Variants in INPP4B observed in about 807,000 individuals in gnomAD.
INPP4B encodes the protein inositol polyphosphate 4-phosphatase type II.
A neutral mutation model predicts 122.5 loss-of-function variants in INPP4B; 55 were observed. The observed-to-expected ratio is 0.45, with a 90% CI of 0.36 to 0.56. INPP4B has a LOEUF of 0.56. INPP4B is among the 20% of genes least tolerant of loss of function. INPP4B has a pLI of 0.00. For synonymous variants in INPP4B, 403 were observed against 388.7 expected, an observed-to-expected ratio of 1.04 and a Z score of -0.43; for missense variants, 1,000 against 1,097.7, an observed-to-expected ratio of 0.91 and a Z score of 1.26.
chr4:142,168,764 G>A (rs538176837), intron 16 of INPP4B, among the ~76,000 whole-genome samples: 5 of 151,502 alleles, frequency 3.3e-5, no homozygotes, highest in African/African-American at 1.2e-4. Flanking sequence ...AGAGTTAAAG[G>A]CACTCATTTA....
intron 25 of INPP4B, among the ~76,000 whole-genome samples, chr4:142,054,721 A>G (rs1269902328): frequency 6.6e-6 from 1 of 152,094 alleles, no homozygotes; most frequent in Non-Finnish European, 1.5e-5. Flanking sequence ...GGATAGTCAC[A>G]AAAGATTCCT....
intron 22 of INPP4B, among the ~76,000 whole-genome samples, chr4:142,108,782 A>C (rs757661116): frequency 1.3e-5 from 2 of 152,168 alleles, no homozygotes; most frequent in African/African-American, 4.8e-5. Context: ...TGTCAAGACA[A>C]ACCTGTCTAC....
At chr4:142,827,981 C>T (rs1168083400) in intron 1 of INPP4B, among the ~76,000 whole-genome samples, 1 of 151,708 alleles carries the variant, frequency 6.6e-6, no homozygotes, top group Non-Finnish European at 1.5e-5. Flanking sequence ...TCTGAGGTAC[C>T]CAAAACTTAA....
chr4:142,299,911 T>C (rs1224291062), intron 9 of INPP4B, among the ~76,000 whole-genome samples: 2 of 152,104 alleles, frequency 1.3e-5, no homozygotes, highest in Admixed American at 1.3e-4. Context: ...CTCTGAAGTT[T>C]AAGTAGATAT....
intron 7 of INPP4B, among the ~76,000 whole-genome samples, chr4:142,359,492 T>C (rs1245897309): frequency 6.6e-6 from 1 of 151,964 alleles, no homozygotes; most frequent in African/African-American, 2.4e-5. Context: ...CTCGTTCAAG[T>C]ATTCTTACAT....
chr4:142,289,337 GATA>G (rs569305043), intron 9 of INPP4B, among the ~76,000 whole-genome samples: 9 of 152,124 alleles, frequency 5.9e-5, no homozygotes, highest in African/African-American at 2.2e-4. Context: ...ATCTAAACTC[GATA>G]ATGTTTAAAA....
intron 7 of INPP4B, among the ~76,000 whole-genome samples, chr4:142,397,015 A>C (rs948645481): frequency 6.6e-6 from 1 of 152,232 alleles, no homozygotes; most frequent in Admixed American, 6.5e-5. Flanking sequence ...TGACATGGGC[A>C]TACGCAATTG....
chr4:142,152,205 G>A lies in INPP4B; in HGVS notation c.1564-6209C>T, dbSNP rs371934517. Among the ~76,000 whole-genome samples the A allele has an allele frequency of 5.1e-4, 77 of 150,624 alleles. 2 individuals carry two copies. The East Asian group carries it at 0.015, about 30-fold the overall frequency. The stretch of plus-strand genomic sequence containing the variant: ...TCTCCTGCCTCAGCCTCCCGGAGTA[G>A]CTGGGACTACAGGCGCCCACCACCA... On this transcript the variant is annotated intron_variant, in intron 17 of 25. Coordinates refer to ENST00000262992, the MANE Select transcript of INPP4B (RefSeq NM_001101669.3).
intron 7 of INPP4B, among the ~76,000 whole-genome samples, chr4:142,385,847 T>C (rs1475033614): frequency 2.0e-5 from 3 of 152,202 alleles, no homozygotes; most frequent in African/African-American, 7.2e-5. Flanking sequence ...TATGTTCACA[T>C]TGTGGAATAA....
intron 11 of INPP4B, among the ~76,000 whole-genome samples, chr4:142,242,371 G>GA (rs1471052553): frequency 1.3e-5 from 2 of 152,112 alleles, no homozygotes; most frequent in Non-Finnish European, 2.9e-5. Flanking sequence ...CCAAAAATAA[G>GA]AAAAACTATT....
At chr4:142,260,174 C>A (rs1457291130) in intron 11 of INPP4B, among the ~76,000 whole-genome samples, 1 of 151,980 alleles carries the variant, frequency 6.6e-6, no homozygotes, top group South Asian at 2.1e-4. Flanking sequence ...TTAGTAGAGA[C>A]GGGGTTTCAC....
At chr4:142,334,311 T>C (rs1346063115) in intron 7 of INPP4B, among the ~76,000 whole-genome samples, 1 of 152,214 alleles carries the variant, frequency 6.6e-6, no homozygotes, top group African/African-American at 2.4e-5. Flanking sequence ...CATATGTGTA[T>C]ATAGCTCTCT....
intron 1 of INPP4B, among the ~76,000 whole-genome samples, chr4:142,731,264 T>C (rs1375797383): frequency 1.3e-5 from 2 of 152,118 alleles, no homozygotes; most frequent in African/African-American, 4.8e-5. Flanking sequence ...AGAAATATGA[T>C]ATGACATTAT....
At chr4:142,699,364 T>C (rs1226909856) in intron 2 of INPP4B, among the ~76,000 whole-genome samples, 1 of 152,190 alleles carries the variant, frequency 6.6e-6, no homozygotes, top group Admixed American at 6.5e-5. Flanking sequence ...TGGTTGTTTA[T>C]TGCATTCAGC....
intron 2 of INPP4B, among the ~76,000 whole-genome samples, chr4:142,606,237 A>G (rs1357631403): frequency 6.6e-6 from 1 of 151,888 alleles, no homozygotes. Context: ...AATGATAGAT[A>G]TCAGAGACTG....
At chr4:142,628,587 T>G (rs1580550520) in intron 2 of INPP4B, among the ~76,000 whole-genome samples, 2 of 150,688 alleles carry the variant, frequency 1.3e-5, no homozygotes, top group South Asian at 4.2e-4. Context: ...AAAAGAATTG[T>G]TCTTTGATTG....
intron 9 of INPP4B, chr4:142,287,612 A>T (rs1754382913): frequency 6.6e-6 from 1 of 152,146 alleles, no homozygotes; most frequent in Non-Finnish European, 1.5e-5. Flanking sequence ...CTTGACAACC[A>T]TTAAAAACCC....
At chr4:142,677,415 T>G (rs1010815952) in intron 2 of INPP4B, among the ~76,000 whole-genome samples, 1 of 151,902 alleles carries the variant, frequency 6.6e-6, no homozygotes, top group Non-Finnish European at 1.5e-5. Context: ...TTAGTTCAAC[T>G]ATTGTGGAAG....
At chr4:142,564,652 T>C (rs1437719029) in intron 2 of INPP4B, among the ~76,000 whole-genome samples, 1 of 152,070 alleles carries the variant, frequency 6.6e-6, no homozygotes, top group African/African-American at 2.4e-5. Context: ...TAAATTAAGA[T>C]TCAGCAAGTT....
Sources: gnomAD v4.1 joint callset for allele counts (sites outside exome capture counted in the v4.1 genomes callset) on GRCh38, gnomAD v4.1.1 for gene constraint, MANE v1.5 for transcripts, NCBI Gene and HGNC (gene_info 2026-07-23, HGNC 2026-07-21) for gene names.